The following CLDN10 variants were observed in gnomAD, a reference collection of about 807,000 sequenced individuals.
CLDN10 encodes the protein claudin-10.
A neutral mutation model predicts 22.9 loss-of-function variants in CLDN10; 15 were observed. That is an observed-to-expected ratio of 0.65 (90% CI 0.44 to 1.01). CLDN10 has a LOEUF of 1.01. CLDN10 is among the 50% of genes least tolerant of loss of function. The probability of loss-of-function intolerance (pLI) is 0.00; values close to 1 mark genes in which losing one functional copy is unlikely to be tolerated. For synonymous variants in CLDN10, 114 were observed against 111.4 expected (o/e 1.02, Z -0.15); for missense variants, 247 against 287.8 (o/e 0.86, Z 1.03).
intron 1 of CLDN10, among the ~76,000 whole-genome samples, chr13:95,450,388 G>A (rs2042421976): frequency 6.6e-6 from 1 of 152,184 alleles, no homozygotes; most frequent in East Asian, 1.9e-4. Context: ...GGAGGTCTCT[G>A]TGAGAATCCT....
chr13:95,481,795 G>T (rs978922088), intron 1 of CLDN10, among the ~76,000 whole-genome samples: 1 of 152,154 alleles, frequency 6.6e-6, no homozygotes. Flanking sequence ...CGAAGTGAGT[G>T]GATCACCTGA....
chr13:95,491,865 A>C (rs961107159), intron 1 of CLDN10, among the ~76,000 whole-genome samples: 1 of 152,082 alleles, frequency 6.6e-6, no homozygotes, highest in Non-Finnish European at 1.5e-5. Flanking sequence ...TGTTCCCTTG[A>C]TGTAGTACAC....
At chr13:95,538,146 TTTA>T (rs2043420039) in intron 1 of CLDN10, among the ~76,000 whole-genome samples, 1 of 135,690 alleles carries the variant, frequency 7.4e-6, no homozygotes, top group African/African-American at 2.9e-5. Context: ...TGACAAACTG[TTTA>T]TTTCTTTTTT....
intron 1 of CLDN10, among the ~76,000 whole-genome samples, chr13:95,512,130 TGG>T (rs140499747): frequency 0.035 from 2,848 of 81,462 alleles, 4 homozygotes; most frequent in East Asian, 0.057. Context: ...CCTTTTTTTT[TGG>T]TTTTTGTTTG....
intron 1 of CLDN10, among the ~76,000 whole-genome samples, chr13:95,509,049 C>T (rs114185875): frequency 0.011 from 1,661 of 152,234 alleles, 34 homozygotes; most frequent in African/African-American, 0.039. Context: ...AAGATGTCCA[C>T]TGCCTAGATG....
chr13:95,477,201 G>A (rs1427281107), intron 1 of CLDN10, among the ~76,000 whole-genome samples: 1 of 152,216 alleles, frequency 6.6e-6, no homozygotes, highest in Non-Finnish European at 1.5e-5. Flanking sequence ...GGCTGGTCAA[G>A]AGGCAGAGGG....
intron 3 of CLDN10, among the ~76,000 whole-genome samples, chr13:95,572,049 C>T (rs909757454): frequency 6.6e-6 from 1 of 152,128 alleles, no homozygotes; most frequent in Non-Finnish European, 1.5e-5. Context: ...TTTGTTAAAA[C>T]CGATCTTGCT....
intron 1 of CLDN10, among the ~76,000 whole-genome samples, chr13:95,546,653 T>C (rs1244313430): frequency 3.3e-5 from 5 of 152,160 alleles, no homozygotes; most frequent in Non-Finnish European, 4.4e-5. Flanking sequence ...TCTGAGTAGT[T>C]TGGAATAAAC....
intron 1 of CLDN10, among the ~76,000 whole-genome samples, chr13:95,509,691 G>A (rs1027883201): frequency 1.3e-5 from 2 of 152,092 alleles, no homozygotes; most frequent in Non-Finnish European, 2.9e-5. Context: ...TTTTCCCTAC[G>A]GTGATTCCAG....
intron 1 of CLDN10, among the ~76,000 whole-genome samples, chr13:95,484,837 G>C (rs1436299728): frequency 1.5e-5 from 2 of 135,372 alleles, no homozygotes; most frequent in African/African-American, 5.5e-5. Flanking sequence ...CTGCACTCCA[G>C]CCTGGGTAAC....
At chr13:95,549,012 T>A (rs1236397643), upstream of CLDN10, among the ~76,000 whole-genome samples, 2 of 152,250 alleles carry the variant, frequency 1.3e-5, no homozygotes, top group African/African-American at 4.8e-5. Flanking sequence ...GGGGATCCTC[T>A]ATTTCTCTTT....
intron 1 of CLDN10, among the ~76,000 whole-genome samples, chr13:95,457,389 T>C (rs2042492675): frequency 6.6e-6 from 1 of 152,216 alleles, no homozygotes; most frequent in Non-Finnish European, 1.5e-5. Context: ...TCCTCTTTCG[T>C]TGAGAAGCCA....
intron 1 of CLDN10, among the ~76,000 whole-genome samples, chr13:95,465,417 A>G (rs1342110783): frequency 6.6e-6 from 1 of 152,152 alleles, no homozygotes; most frequent in African/African-American, 2.4e-5. Context: ...ATGGTAGTAG[A>G]ATTATTATCT....
At chr13:95,526,982 C>T (rs1414278131) in intron 1 of CLDN10, among the ~76,000 whole-genome samples, 1 of 152,146 alleles carries the variant, frequency 6.6e-6, no homozygotes, top group Non-Finnish European at 1.5e-5. Context: ...TTCCAGCTTT[C>T]TGTTCAGGTG....
chr13:95,563,880 A>G (rs2043750326), intron 3 of CLDN10, among the ~76,000 whole-genome samples: 2 of 152,256 alleles, frequency 1.3e-5, no homozygotes, highest in Non-Finnish European at 2.9e-5. Context: ...GGGAAGATGA[A>G]TAAGCTATAA....
In CLDN10 at chr13:95,463,285, A is replaced by AATATATAT. The variant is rs200962205; in HGVS notation, c.214+29271_214+29278dup. Among the ~76,000 whole-genome samples the AATATATAT allele has an allele frequency of 8.2e-3, 327 of 39,876 alleles. 3 individuals are homozygous for AATATATAT. Among genetic ancestry groups the AATATATAT allele is most frequent in the African/African-American group, 0.012 (160 of 13,092 alleles). 26.2% of individuals were successfully genotyped at this position (39,876 alleles called of 152,430 possible). On this transcript the variant is annotated intron_variant, in intron 1 of 4. Transcript: ENST00000376873. ...AGTTGAGTCAAAAGTGCAAATGCTT[A>AATATATAT]ATATATATATATATATATATATATA...
chr13:95,500,564 G>A (rs1016729101), intron 1 of CLDN10, among the ~76,000 whole-genome samples: 1 of 152,156 alleles, frequency 6.6e-6, no homozygotes, highest in Non-Finnish European at 1.5e-5. Flanking sequence ...GGATGTTTCA[G>A]GAATGTGTGG....
chr13:95,525,104 C>T (rs753539470), intron 1 of CLDN10, among the ~76,000 whole-genome samples: 9 of 151,972 alleles, frequency 5.9e-5, no homozygotes, highest in Non-Finnish European at 1.0e-4. Flanking sequence ...GGTGATTGCC[C>T]GCCTCGGCCT....
chr13:95,539,475 G>GTT (rs199818401), intron 1 of CLDN10, among the ~76,000 whole-genome samples: 1,833 of 152,264 alleles, frequency 0.012, 34 homozygotes, highest in African/African-American at 0.041. Context: ...ATTCATTGGA[G>GTT]TAACATTCAC....
Sources: gnomAD v4.1 joint callset for allele counts (sites outside exome capture counted in the v4.1 genomes callset) on GRCh38, gnomAD v4.1.1 for gene constraint, MANE v1.5 for transcripts, NCBI Gene and HGNC (gene_info 2026-07-23, HGNC 2026-07-21) for gene names.